TNRC6B: variants seen among roughly 807,000 people sequenced by gnomAD.
TNRC6B encodes the protein trinucleotide repeat-containing gene 6B protein.
A neutral mutation model predicts 203.6 loss-of-function variants in TNRC6B; 52 were observed. The observed-to-expected ratio is 0.26, with a 90% CI of 0.20 to 0.32. TNRC6B has a LOEUF of 0.32. TNRC6B is among the 10% of genes least tolerant of loss of function. The pLI is 1.00. For synonymous variants in TNRC6B, 838 were observed against 845.7 expected (o/e 0.99, Z 0.16); for missense variants, 1,923 against 2,286.2 (o/e 0.84, Z 3.24).
chr22:40,057,924 G>A (rs1022311871), intron 1 of TNRC6B, among the ~76,000 whole-genome samples: 1 of 152,190 alleles, frequency 6.6e-6, no homozygotes, highest in Non-Finnish European at 1.5e-5. Context: ...AGACTTTCCT[G>A]TTAGATGTAC....
At chr22:40,126,580 ATTTTTTTTTTTTTTTTTT>A (rs955369459) in intron 3 of TNRC6B, among the ~76,000 whole-genome samples, 1 of 88,774 alleles carries the variant, frequency 1.1e-5, no homozygotes, top group African/African-American at 4.9e-5. Flanking sequence ...ACGTTATTTA[ATTTTTTTTTTTTTTTTTT>A]TTTTTTTTTT....
intron 1 of TNRC6B, among the ~76,000 whole-genome samples, chr22:40,048,171 C>A (rs1040341512): frequency 2.0e-5 from 3 of 152,158 alleles, no homozygotes; most frequent in Admixed American, 6.5e-5. Context: ...CCTTTCTTCA[C>A]GTCTTCACTA....
At chr22:40,207,596 A>G (rs2069499688) in intron 1 of TNRC6B, among the ~76,000 whole-genome samples, 1 of 151,878 alleles carries the variant, frequency 6.6e-6, no homozygotes, top group Non-Finnish European at 1.5e-5. Context: ...CAGAGGATTT[A>G]TATCCAGAAT....
upstream of TNRC6B, among the ~76,000 whole-genome samples, chr22:40,174,452 AT>A (rs530753666): frequency 2.6e-3 from 398 of 152,328 alleles, 1 homozygote; most frequent in African/African-American, 9.3e-3. Context: ...AAGTGCTGGG[AT>A]TACAGGTATA....
chr22:40,298,276 C>T (rs778900755), intron 12 of TNRC6B, among the ~76,000 whole-genome samples: 1 of 152,078 alleles, frequency 6.6e-6, no homozygotes, highest in African/African-American at 2.4e-5. Flanking sequence ...TCAGGAGTTA[C>T]AATCACCAGA....
chr22:40,199,542 C>G (rs2069382851), intron 1 of TNRC6B, among the ~76,000 whole-genome samples: 1 of 152,046 alleles, frequency 6.6e-6, no homozygotes, highest in South Asian at 2.1e-4. Context: ...CTGTAATCCT[C>G]AAAAATTTCA....
intron 7 of TNRC6B, among the ~76,000 whole-genome samples, chr22:40,276,611 C>G (rs1461729772): frequency 6.6e-6 from 1 of 152,200 alleles, no homozygotes; most frequent in Non-Finnish European, 1.5e-5. Context: ...GTCTTTTATG[C>G]TGTGAAACAA....
intron 1 of TNRC6B, among the ~76,000 whole-genome samples, chr22:40,070,732 C>T (rs2067939374): frequency 6.6e-6 from 1 of 151,788 alleles, no homozygotes; most frequent in Non-Finnish European, 1.5e-5. Flanking sequence ...GTTCACAATT[C>T]CTTATCAGAA....
In TNRC6B at chr22:40,285,699, A is replaced by G. The variant is rs1485802513; in HGVS notation, c.3637A>G (p.Thr1213Ala). Residue 1213 changes from threonine (T) to alanine (A), a missense_variant, in exon 12 of 23, where the codon ACA (threonine) becomes GCA (alanine). Physicochemically the swap from Thr to Ala is moderately conservative, Grantham distance 58. Around this residue, in one of 8 missense-constraint regions of TNRC6B, gnomAD observed 242 missense variants for 399.5 expected, o/e 0.61. Transcript: ENST00000454349. Reference sequence around the variant, plus strand: ...CACAGCACAATCGAGAGGTCTGCACACACCCGTGCAGCCACTAAATTCTTC... The same window carrying G: ...CACAGCACAATCGAGAGGTCTGCACGCACCCGTGCAGCCACTAAATTCTTC... ...NSTAQSRGLH[T>A]PVQPLNSSPS... 6.2e-7 allele frequency: 1 copy of G among 1,613,930 alleles called. No individual in the cohort carries two copies. The highest frequency in any genetic ancestry group is 8.5e-7 in the Non-Finnish European group (1 of 1,179,818).
At chr22:40,092,955 CA>C (rs1281479843) in intron 1 of TNRC6B, among the ~76,000 whole-genome samples, 3 of 152,174 alleles carry the variant, frequency 2.0e-5, no homozygotes, top group Non-Finnish European at 4.4e-5. Flanking sequence ...TCCTGTGTGT[CA>C]AGGATGGGTT....
At chr22:40,314,950 G>A (rs767638407) in intron 19 of TNRC6B, among the ~76,000 whole-genome samples, 1 of 152,152 alleles carries the variant, frequency 6.6e-6, no homozygotes, top group Non-Finnish European at 1.5e-5. Context: ...CTGTTACCCA[G>A]AAGCTGGTAT....
rs1430732284 is a variant in TNRC6B at position 40,327,858 on chromosome 22, T to C, written c.*4617T>C. On this transcript the variant is annotated 3_prime_UTR_variant, in exon 23 of 23. Coordinates refer to ENST00000454349, the MANE Select transcript of TNRC6B (RefSeq NM_001162501.2). ...TAATTTGAGCTTTCCCTTTTTTTTT[T>C]TTAACTACTTTTTAAAACACTTGAT... The C allele has an allele frequency of 6.6e-6, 1 of 152,206 alleles. No individual in the cohort carries two copies. Among genetic ancestry groups the C allele is most frequent in the Admixed American group, 6.5e-5 (1 of 15,286 alleles). The allele number at this position is 152,206 out of a possible 1,614,324, so 9.4% of individuals were successfully genotyped here. A position where few individuals can be genotyped will look rare whatever the true frequency, so the allele number is the denominator to read the frequency against.
At chr22:40,177,867 C>T, upstream of TNRC6B, 2 of 1,312,914 alleles carry the variant, frequency 1.5e-6, no homozygotes, top group South Asian at 2.4e-5. Context: ...GATTGACAAA[C>T]CTACCCGAAG....
chr22:40,238,172 G>A (rs1271580217), intron 1 of TNRC6B, among the ~76,000 whole-genome samples: 1 of 152,116 alleles, frequency 6.6e-6, no homozygotes, highest in Admixed American at 6.6e-5. Context: ...AGGGAGAAAA[G>A]GAAGGTTCAT....
intron 1 of TNRC6B, among the ~76,000 whole-genome samples, chr22:40,055,294 G>A (rs565438912): frequency 1.3e-5 from 2 of 152,284 alleles, no homozygotes; most frequent in Non-Finnish European, 2.9e-5. Context: ...TCATCAACAC[G>A]ATGGGGAGGT....
intron 4 of TNRC6B, among the ~76,000 whole-genome samples, chr22:40,172,726 G>A (rs2146370054): frequency 6.6e-6 from 1 of 152,194 alleles, no homozygotes; most frequent in South Asian, 2.1e-4. Context: ...TACACCTCCT[G>A]GAACAGTAAG....
chr22:40,227,075 AATTATTATT>A (rs66592054), intron 1 of TNRC6B, among the ~76,000 whole-genome samples: 2,876 of 137,042 alleles, frequency 0.021, 82 homozygotes, highest in African/African-American at 0.059. Flanking sequence ...ACACCCAGCT[AATTATTATT>A]ATTATTATTA....
chr22:40,321,477 T>C lies in TNRC6B; in HGVS notation c.5114+248T>C, dbSNP rs1288679656. Reference sequence around the variant, plus strand: ...CAAACGTAAATAATTTGTGAAGTAGTGAGTAAATTCTAAGTAACATAAAGC... The same window carrying C: ...CAAACGTAAATAATTTGTGAAGTAGCGAGTAAATTCTAAGTAACATAAAGC... On this transcript the variant is annotated intron_variant, in intron 22 of 22. Transcript: ENST00000454349. The C allele has an allele frequency of 6.6e-6, 3 of 451,994 alleles. No individual in the cohort carries two copies. In the Admixed American group the frequency reaches 1.0e-4, roughly 15 times the overall value. The allele number at this position is 451,994 out of a possible 1,614,324, so 28.0% of individuals were successfully genotyped here.
At chr22:40,304,985 G>A (rs1435248172) in intron 15 of TNRC6B, among the ~76,000 whole-genome samples, 2 of 152,132 alleles carry the variant, frequency 1.3e-5, no homozygotes, top group African/African-American at 4.8e-5. Flanking sequence ...GTTTTTTAAT[G>A]TATAGCAAAA....
Sources: gnomAD v4.1 joint callset for allele counts (sites outside exome capture counted in the v4.1 genomes callset) on GRCh38, gnomAD v4.1.1 for gene constraint, gnomAD v4.1.1 regional missense constraint, MANE v1.5 for transcripts, NCBI Gene and HGNC (gene_info 2026-07-23, HGNC 2026-07-21) for gene names.